Variants in SNRPN observed in about 807,000 individuals in gnomAD.
SNRPN encodes small nuclear ribonucleoprotein polypeptide N.
SNRPN carries 7 observed loss-of-function variants against 25.2 expected under a neutral mutation model. That is an observed-to-expected ratio of 0.28 (90% CI 0.16 to 0.52). The LOEUF (loss-of-function observed/expected upper bound fraction) is 0.52, where lower values mean the gene tolerates loss of function less well. Among genes scored for constraint, SNRPN ranks in the 20% least tolerant of loss-of-function variants. The probability of loss-of-function intolerance (pLI) is 0.96; values close to 1 mark genes in which losing one functional copy is unlikely to be tolerated. For synonymous variants in SNRPN, 124 were observed against 110.6 expected (o/e 1.12, Z -0.76); for missense variants, 196 against 322.5 (o/e 0.61, Z 3.00).
chr15:24,864,035 T>A (rs8024183), intron 1 of SNRPN, among the ~76,000 whole-genome samples: 2,598 of 147,512 alleles, frequency 0.018, 102 homozygotes, highest in African/African-American at 0.031. Flanking sequence ...TATTATTATT[T>A]TTTTTTTTGG....
chr15:24,865,901 T>A (rs987776240), intron 1 of SNRPN, among the ~76,000 whole-genome samples: 4 of 152,158 alleles, frequency 2.6e-5, no homozygotes, highest in African/African-American at 9.6e-5. Flanking sequence ...ATGGTTTCCC[T>A]GCGGTCCTGT....
At chr15:24,909,897 A>G in intron 2 of SNRPN, 1 of 633,448 alleles carries the variant, frequency 1.6e-6, no homozygotes, top group South Asian at 1.8e-5. Context: ...GGCAGGGAGA[A>G]GGGGAAAGCT....
intron 2 of SNRPN, among the ~76,000 whole-genome samples, chr15:24,891,023 G>A (rs1365899440): frequency 6.6e-6 from 1 of 152,082 alleles, no homozygotes; most frequent in African/African-American, 2.4e-5. Flanking sequence ...CAGTTCTTGT[G>A]ACTCAGCCTC....
intron 3 of SNRPN, among the ~76,000 whole-genome samples, chr15:24,945,398 G>T (rs1437326001): frequency 7.2e-6 from 1 of 139,042 alleles, no homozygotes; most frequent in African/African-American, 2.7e-5. Flanking sequence ...GTAGGTACCT[G>T]TGCATATCAC....
intron 2 of SNRPN, among the ~76,000 whole-genome samples, chr15:24,841,908 A>G (rs1424841276): frequency 1.3e-5 from 2 of 152,178 alleles, no homozygotes; most frequent in Non-Finnish European, 2.9e-5. Flanking sequence ...AAGGGATCAC[A>G]TAAGTGCCCA....
rs562204458 is a variant in SNRPN at position 24,929,771 on chromosome 15, C to A, written c.-391+9647C>A. On this transcript the variant is annotated intron_variant, in intron 3 of 11. Coordinates refer to the SNRPN transcript ENST00000400097. The surrounding 1 kb of genome is among the most constrained non-coding windows in gnomAD (Gnocchi z 5.3). The stretch of plus-strand genomic sequence containing the variant: ...GAGCAGGGTCCATGTGATGATTTTT[C>A]TGTCAGTATCAGTTTCTGCAAGAGC... Among the ~76,000 whole-genome samples the A allele has an allele frequency of 6.6e-6, 1 of 152,200 alleles. No individual in the cohort carries two copies. Among genetic ancestry groups the A allele is most frequent in the Non-Finnish European group, 1.5e-5 (1 of 68,034 alleles).
At chr15:24,907,709 A>T (rs982141003) in intron 2 of SNRPN, among the ~76,000 whole-genome samples, 2 of 151,266 alleles carry the variant, frequency 1.3e-5, no homozygotes, top group African/African-American at 4.9e-5. Context: ...GCCTCCCAAA[A>T]TGCTGGCACT....
intron 1 of SNRPN, among the ~76,000 whole-genome samples, chr15:24,879,144 A>G (rs2056328056): frequency 6.6e-6 from 1 of 152,154 alleles, no homozygotes; most frequent in Non-Finnish European, 1.5e-5. Flanking sequence ...TTTTGAAATT[A>G]TGCATTTAGG....
chr15:24,856,656 CT>C lies in SNRPN; in HGVS notation c.-635del, dbSNP rs1358119149. The C allele has an allele frequency of 2.0e-5, 3 of 152,320 alleles. No homozygotes were observed. In the East Asian group the frequency reaches 5.8e-4, roughly 29 times the overall value. 9.4% of individuals were successfully genotyped at this position (152,320 alleles called of 1,614,324 possible). On this transcript the variant is annotated 5_prime_UTR_variant, in exon 1 of 12. Coordinates refer to the SNRPN transcript ENST00000400097. ...ATGCAGTTCTTTTGCATAAGAAAGG[CT>C]TTTCTCTCCAGTCATTCTGCTTGCT...
chr15:24,954,600 AC>A (rs532575226), upstream of SNRPN, among the ~76,000 whole-genome samples: 26 of 152,292 alleles, frequency 1.7e-4, no homozygotes, highest in Non-Finnish European at 2.9e-4. Context: ...GGCGCATTTA[AC>A]TTTTCCAAAC....
At chr15:24,977,966 A>G (rs1156866705) in intron 8 of SNRPN, 50 bp downstream of exon 8, 6 of 1,483,312 alleles carry the variant, frequency 4.0e-6, no homozygotes, top group Non-Finnish European at 5.4e-6. Flanking sequence ...GATGAGAGAT[A>G]GCTTACTGAT....
intron 2 of SNRPN, among the ~76,000 whole-genome samples, chr15:24,888,496 T>G (rs1219423490): frequency 6.6e-6 from 1 of 152,242 alleles, no homozygotes. Context: ...TTTTGCAATT[T>G]TTTTCTTTTA....
At chr15:24,879,629 T>C (rs1455628483) in intron 1 of SNRPN, among the ~76,000 whole-genome samples, 1 of 152,246 alleles carries the variant, frequency 6.6e-6, no homozygotes, top group Non-Finnish European at 1.5e-5. Context: ...ACCATGTCTG[T>C]CACCCTTGTG....
upstream of SNRPN, among the ~76,000 whole-genome samples, chr15:24,950,547 T>TC (rs1342421503): frequency 3.5e-5 from 4 of 114,200 alleles, no homozygotes; most frequent in Non-Finnish European, 6.8e-5. Flanking sequence ...CTCATTTCTT[T>TC]TTTTTTTTTT....
chr15:24,906,556 G>A (rs1007218081), intron 2 of SNRPN, among the ~76,000 whole-genome samples: 2 of 152,326 alleles, frequency 1.3e-5, no homozygotes, highest in African/African-American at 4.8e-5. Context: ...TGGTCTCTGC[G>A]TATAGAAAAG....
chr15:24,907,564 C>G (rs893110410), intron 2 of SNRPN, among the ~76,000 whole-genome samples: 2 of 152,050 alleles, frequency 1.3e-5, no homozygotes, highest in Non-Finnish European at 2.9e-5. Context: ...TGCCACTGCA[C>G]TCCAGCCTGG....
Position 24,866,658 on chromosome 15 carries a change from A to G in SNRPN, c.-579+9942A>G, listed in dbSNP as rs1357547376. ...GAAATTATTCCTCCTCTCTGACTGA[A>G]ATTTTGTATCCATCCACAAAACTTC... On this transcript the variant is annotated intron_variant, in intron 1 of 11. Transcript: ENST00000400097. Among the ~76,000 whole-genome samples, 3 of 152,152 alleles carry G rather than the reference A, an allele frequency of 2.0e-5. 1 individual carries two copies. Among genetic ancestry groups the G allele is most frequent in the African/African-American group, 4.8e-5 (2 of 41,444 alleles).
At chr15:24,880,370 C>T (rs1294301860) in intron 1 of SNRPN, among the ~76,000 whole-genome samples, 1 of 152,092 alleles carries the variant, frequency 6.6e-6, no homozygotes, top group Admixed American at 6.6e-5. Context: ...CGAACTTTTC[C>T]TGGAGCCCGC....
chr15:24,867,177 T>C (rs2054643881), intron 1 of SNRPN, among the ~76,000 whole-genome samples: 1 of 152,216 alleles, frequency 6.6e-6, no homozygotes, highest in Non-Finnish European at 1.5e-5. Flanking sequence ...ATGGTAGTTC[T>C]ATTTTTAATT....
Sources: allele counts gnomAD v4.1 joint callset (sites outside exome capture counted in the v4.1 genomes callset), GRCh38; gene constraint gnomAD v4.1.1; non-coding constraint Gnocchi (gnomAD v3.1); transcripts MANE v1.5; gene names NCBI Gene and HGNC (gene_info 2026-07-23, HGNC 2026-07-21).